Variants in MSRA observed in about 807,000 individuals in gnomAD.
MSRA encodes methionine sulfoxide reductase A.
MSRA carries 54 observed loss-of-function variants against 31.3 expected under a neutral mutation model. The ratio of observed to expected loss-of-function variants is 1.73; its 90% confidence interval spans 1.39 to 2.17. The LOEUF is 2.17. Among genes scored for constraint, MSRA ranks in the 30% most tolerant of loss-of-function variants. MSRA has a pLI of 0.00. For missense variants in MSRA, 507 were observed against 300.9 expected (o/e 1.69, Z -5.07); for synonymous variants, 169 against 116.5 (o/e 1.45, Z -2.90).
intron 5 of MSRA, among the ~76,000 whole-genome samples, chr8:10,387,314 G>T (rs1239127198): frequency 6.6e-6 from 1 of 152,206 alleles, no homozygotes; most frequent in Non-Finnish European, 1.5e-5. Context: ...TCATTTTAGG[G>T]GTGAAGGGAA....
intron 5 of MSRA, among the ~76,000 whole-genome samples, chr8:10,383,210 AAT>A (rs1479798414): frequency 3.5e-4 from 54 of 152,312 alleles, no homozygotes; most frequent in Non-Finnish European, 7.2e-4. Context: ...GGCAGAGGGC[AAT>A]GTGCAGGCTT....
Position 10,054,371 on chromosome 8 carries a change from C to A in MSRA, c.-146C>A. The A allele has an allele frequency of 1.3e-6, 1 of 788,426 alleles. No individual in the cohort carries two copies. The highest frequency in any genetic ancestry group is 3.9e-5 in the East Asian group (1 of 25,722). 48.8% of individuals were successfully genotyped at this position (788,426 alleles called of 1,614,324 possible). On this transcript the variant is annotated 5_prime_UTR_variant, in exon 1 of 6. Coordinates refer to ENST00000317173, the MANE Select transcript of MSRA (RefSeq NM_012331.5). Reference sequence around the variant, plus strand: ...AACCTCGATTACGGGCGGCCTCCAGCCCCGCCAGCAGCGCCCCGCGCCCGC... The same window carrying A: ...AACCTCGATTACGGGCGGCCTCCAGACCCGCCAGCAGCGCCCCGCGCCCGC...
chr8:10,296,883 C>T (rs1387832355), intron 3 of MSRA, among the ~76,000 whole-genome samples: 1 of 152,198 alleles, frequency 6.6e-6, no homozygotes, highest in Non-Finnish European at 1.5e-5. Context: ...CCACTACCTG[C>T]TGGCATCTCA....
At chr8:10,068,782 A>G (rs1797588259) in intron 1 of MSRA, among the ~76,000 whole-genome samples, 1 of 152,092 alleles carries the variant, frequency 6.6e-6, no homozygotes, top group Non-Finnish European at 1.5e-5. Context: ...TTTCCATATA[A>G]AGTTTAGAAT....
At chr8:10,088,298 G>A (rs1370881246) in intron 1 of MSRA, among the ~76,000 whole-genome samples, 2 of 152,144 alleles carry the variant, frequency 1.3e-5, no homozygotes, top group Non-Finnish European at 2.9e-5. Context: ...GTTAAAAATG[G>A]AACTTCCATA....
chr8:10,054,551 T>C lies in MSRA; in HGVS notation c.35T>C (p.Leu12Pro). The C allele has an allele frequency of 6.3e-7, 1 of 1,586,842 alleles. No homozygotes were observed. ...GCCACCCGGAGGGCTTGCCAGCTCC[T>C]CCTCCTCCACAGCCTCTTTCCCGTC... is the stretch of plus-strand genomic sequence containing the variant. ...LSATRRACQL[L>P]LLHSLFPVPR... The change falls in exon 1 of 6, where the codon CTC (leucine) becomes CCC (proline). Residue 12 changes from leucine (L) to proline (P), a missense_variant. Transcript: ENST00000317173.
At chr8:10,333,981 C>T (rs1468028060) in intron 5 of MSRA, among the ~76,000 whole-genome samples, 1 of 152,180 alleles carries the variant, frequency 6.6e-6, no homozygotes, top group Non-Finnish European at 1.5e-5. Context: ...TTTCACCTAT[C>T]AGATTAGGAC....
At chr8:10,251,571 G>A (rs528809301) in intron 3 of MSRA, among the ~76,000 whole-genome samples, 1 of 152,050 alleles carries the variant, frequency 6.6e-6, no homozygotes. Context: ...TAGCAGGCAG[G>A]ATAAAAACGC....
chr8:10,400,830 G>T (rs1563438050), intron 5 of MSRA, among the ~76,000 whole-genome samples: 1 of 152,196 alleles, frequency 6.6e-6, no homozygotes, highest in South Asian at 2.1e-4. Context: ...GTAACTAAAA[G>T]AATGAAGCTG....
chr8:10,077,274 GAGA>G, intron 1 of MSRA, among the ~76,000 whole-genome samples: 1 of 152,284 alleles, frequency 6.6e-6, no homozygotes, highest in South Asian at 2.1e-4. Context: ...GGAAAGTGTG[GAGA>G]CCTGCAGATC....
intron 1 of MSRA, among the ~76,000 whole-genome samples, chr8:10,055,589 C>A (rs117864309): frequency 6.6e-6 from 1 of 152,334 alleles, no homozygotes; most frequent in Non-Finnish European, 1.5e-5. Flanking sequence ...TAAAACAAGT[C>A]CTCCAGGTGA....
chr8:10,271,253 G>A (rs1337993258), intron 3 of MSRA, among the ~76,000 whole-genome samples: 1 of 152,158 alleles, frequency 6.6e-6, no homozygotes, highest in African/African-American at 2.4e-5. Context: ...GGGGAATAGA[G>A]AAATGCTTTC....
At chr8:10,303,894 A>G (rs1480812842) in intron 4 of MSRA, among the ~76,000 whole-genome samples, 1 of 152,184 alleles carries the variant, frequency 6.6e-6, no homozygotes, top group Non-Finnish European at 1.5e-5. Context: ...TCTTATGCCC[A>G]TTATATTTGC....
At chr8:10,408,153 C>T (rs970155151) in intron 5 of MSRA, among the ~76,000 whole-genome samples, 4 of 152,234 alleles carry the variant, frequency 2.6e-5, no homozygotes, top group Non-Finnish European at 2.9e-5. Flanking sequence ...GAGAAAGGGT[C>T]GCATCCCTGG....
intron 2 of MSRA, among the ~76,000 whole-genome samples, chr8:10,208,315 C>G (rs1809187560): frequency 6.6e-6 from 1 of 151,954 alleles, no homozygotes. Context: ...TGATCTCTTC[C>G]TTCTCCATCA....
At position 10,424,928 on chromosome 8, in the gene MSRA, G is replaced by T. The variant is rs4503103; in HGVS notation, c.544-3220G>T. ...CCCGGGGGACAGCGAAGGAGCAGGG[G>T]GGCTGCGAAGCCCACTGAAATCAAG... On this transcript the variant is annotated intron_variant, in intron 5 of 5. Transcript: ENST00000317173. 1.1e-4 allele frequency among the ~76,000 whole-genome samples: 16 copies of T among 152,318 alleles called. No homozygotes were observed. The East Asian group carries it at 1.4e-3, about 13-fold the overall frequency.
At chr8:10,072,450 C>G (rs1797781773) in intron 1 of MSRA, among the ~76,000 whole-genome samples, 1 of 152,100 alleles carries the variant, frequency 6.6e-6, no homozygotes, top group South Asian at 2.1e-4. Context: ...TCCTTACTCC[C>G]TCCCGTTGAT....
chr8:10,282,229 AG>A (rs1157265911), intron 3 of MSRA, among the ~76,000 whole-genome samples: 1 of 152,228 alleles, frequency 6.6e-6, no homozygotes, highest in Non-Finnish European at 1.5e-5. Flanking sequence ...TGCCTGACAA[AG>A]GTAGGATCGT....
rs1011159632 is a variant in MSRA at position 10,054,433 on chromosome 8, G to C, written c.-84G>C. The C allele has an allele frequency of 2.2e-5, 21 of 963,380 alleles. No individual in the cohort carries two copies. Among genetic ancestry groups the C allele is most frequent in the Non-Finnish European group, 2.7e-5 (20 of 735,416 alleles). 59.7% of individuals were successfully genotyped at this position (963,380 alleles called of 1,614,324 possible). A position where few individuals can be genotyped will look rare whatever the true frequency, so the allele number is the denominator to read the frequency against. On this transcript the variant is annotated 5_prime_UTR_variant, in exon 1 of 6. Transcript: ENST00000317173. ...CCTGCCGCCCCCCGGTTCCGGCCGC[G>C]GACCCCACTCTCTGCCGTTCCGGCT...
Sources: gnomAD v4.1 joint callset for allele counts (sites outside exome capture counted in the v4.1 genomes callset) on GRCh38, gnomAD v4.1.1 for gene constraint, MANE v1.5 for transcripts, NCBI Gene and HGNC (gene_info 2026-07-23, HGNC 2026-07-21) for gene names.